Variants in TMSB15B observed in about 807,000 individuals in gnomAD.
TMSB15B encodes thymosin beta-15B.
At chrX:103,946,924 A>C (rs1174082337) in intron 1 of TMSB15B, among the ~76,000 whole-genome samples, 2 of 111,802 alleles carry the variant, frequency 1.8e-5, no homozygotes, top group Non-Finnish European at 3.8e-5. Flanking sequence ...AAGTAACCTT[A>C]GTGAGAAAAG....
At chrX:103,947,106 C>T (rs1384548068) in intron 1 of TMSB15B, among the ~76,000 whole-genome samples, 7 of 108,159 alleles carry the variant, frequency 6.5e-5, no homozygotes, top group East Asian at 2.9e-4. Flanking sequence ...AATAGCCCCA[C>T]ACTGAAAAAA....
Position 103,942,294 on chromosome X carries a change from A to G in TMSB15B, c.-720-19727A>G, listed in dbSNP as rs10127145. On this transcript the variant is annotated intron_variant, in intron 1 of 3. Transcript: ENST00000419165. ...ATATACTTGGAATTGATTTTCATGT[A>G]GAATATGAGAATAGAGGTCCAATGT... Among the ~76,000 whole-genome samples, 344 of 111,853 alleles carry G rather than the reference A, an allele frequency of 3.1e-3. 4 individuals carry two copies. The highest frequency in any genetic ancestry group is 0.011 in the African/African-American group (331 of 30,847).
chrX:103,937,216 A>G (rs1311975242), intron 1 of TMSB15B, among the ~76,000 whole-genome samples: 3 of 111,606 alleles, frequency 2.7e-5, no homozygotes, highest in Non-Finnish European at 3.8e-5. Flanking sequence ...ATCTGTTTCT[A>G]TTGTTTGGAA....
intron 1 of TMSB15B, among the ~76,000 whole-genome samples, chrX:103,954,610 G>A (rs781943885): frequency 5.4e-5 from 6 of 111,612 alleles, no homozygotes; most frequent in East Asian, 2.8e-4. Flanking sequence ...AACCCCTGCC[G>A]ATTACTGTTG....
intron 1 of TMSB15B, among the ~76,000 whole-genome samples, chrX:103,920,163 C>T: frequency 8.9e-6 from 1 of 111,952 alleles, no homozygotes; most frequent in Non-Finnish European, 1.9e-5. Flanking sequence ...CCAAGGGAGG[C>T]AAGGCTCAGA....
intron 1 of TMSB15B, among the ~76,000 whole-genome samples, chrX:103,922,719 C>G (rs1262214237): frequency 1.8e-5 from 2 of 111,595 alleles, no homozygotes; most frequent in Non-Finnish European, 3.8e-5. Flanking sequence ...TGGGTATATA[C>G]CCAGTAATGG....
At chrX:103,920,661 C>T (rs1569446908) in intron 1 of TMSB15B, among the ~76,000 whole-genome samples, 3 of 112,802 alleles carry the variant, frequency 2.7e-5, no homozygotes, top group African/African-American at 9.7e-5. Context: ...CTTCTTCAAG[C>T]CATGCTTGAT....
Sources: allele counts gnomAD v4.1 joint callset (sites outside exome capture counted in the v4.1 genomes callset), GRCh38; gene constraint gnomAD v4.1.1; transcripts MANE v1.5; gene names NCBI Gene and HGNC (gene_info 2026-07-23, HGNC 2026-07-21).